The following ADA variants were observed in gnomAD, a reference collection of about 807,000 sequenced individuals.
ADA encodes the protein adenosine deaminase.
A neutral mutation model predicts 49.0 loss-of-function variants in ADA; 45 were observed. The ratio of observed to expected loss-of-function variants is 0.92; its 90% confidence interval spans 0.72 to 1.18. The LOEUF is 1.18. Ranked by LOEUF, ADA falls within the 50% of genes most tolerant of loss-of-function variation. The pLI, the probability that ADA is intolerant of heterozygous loss-of-function variation, is 0.00. For synonymous variants in ADA, 173 were observed against 184.2 expected (o/e 0.94, Z 0.49); for missense variants, 445 against 472.5 (o/e 0.94, Z 0.54).
intron 1 of ADA, among the ~76,000 whole-genome samples, chr20:44,643,717 GCCC>G (rs2065559637): frequency 6.6e-6 from 1 of 152,104 alleles, no homozygotes; most frequent in Non-Finnish European, 1.5e-5. Context: ...GGAATCTCAC[GCCC>G]CTTCCCACTG....
intron 5 of ADA, among the ~76,000 whole-genome samples, chr20:44,624,607 C>T (rs547287408): frequency 3.9e-5 from 6 of 152,242 alleles, no homozygotes; most frequent in Non-Finnish European, 5.9e-5. Context: ...GCACCAAGGA[C>T]GGGGCCTGAG....
At chr20:44,622,712 C>A in intron 8 of ADA, 60 bp from the exon 9 acceptor site, 2 of 1,613,378 alleles carry the variant, frequency 1.2e-6, no homozygotes, top group Non-Finnish European at 8.5e-7. Flanking sequence ...TTCCTCCCCC[C>A]ATGTCTGGGC....
At chr20:44,622,758 G>C in intron 8 of ADA, 71 bp downstream of exon 8, 1 of 1,613,882 alleles carries the variant, frequency 6.2e-7, no homozygotes, top group Non-Finnish European at 8.5e-7. Flanking sequence ...GACCCGCCCT[G>C]CTTTCTGCCT....
chr20:44,630,005 T>A, intron 2 of ADA, among the ~76,000 whole-genome samples: 1 of 128,936 alleles, frequency 7.8e-6, no homozygotes, highest in East Asian at 2.1e-4. Context: ...TTCCCCCCCC[T>A]TTTTTTTTTA....
At chr20:44,626,669 A>G in intron 3 of ADA, 70 bp from the exon 4 acceptor site, 10 of 1,593,442 alleles carry the variant, frequency 6.3e-6, no homozygotes, top group Non-Finnish European at 7.7e-6. Flanking sequence ...AGCAAATGAC[A>G]TCCCCAACCC....
At chr20:44,645,814 A>G (rs1450308335) in intron 1 of ADA, among the ~76,000 whole-genome samples, 4 of 152,166 alleles carry the variant, frequency 2.6e-5, no homozygotes, top group Admixed American at 2.6e-4. Context: ...CTAGCTGGAA[A>G]GTGGGAAATC....
At chr20:44,631,666 T>C (rs533695604) in intron 2 of ADA, among the ~76,000 whole-genome samples, 1 of 152,336 alleles carries the variant, frequency 6.6e-6, no homozygotes, top group East Asian at 1.9e-4. Flanking sequence ...GCGGGGGCTC[T>C]GCCCTCTGGT....
intron 1 of ADA, among the ~76,000 whole-genome samples, chr20:44,651,215 T>A (rs965120932): frequency 6.6e-6 from 1 of 152,196 alleles, no homozygotes; most frequent in South Asian, 2.1e-4. Context: ...TAGGTGCCTA[T>A]CCGGCGTAGA....
intron 9 of ADA, among the ~76,000 whole-genome samples, chr20:44,621,989 G>A (rs563940861): frequency 4.6e-5 from 7 of 152,314 alleles, no homozygotes; most frequent in African/African-American, 7.2e-5. Flanking sequence ...CCTGGCAGAT[G>A]GATAAGTGCT....
intron 3 of ADA, among the ~76,000 whole-genome samples, chr20:44,628,695 C>T (rs546689774): frequency 3.7e-4 from 56 of 152,108 alleles, no homozygotes; most frequent in African/African-American, 1.2e-3. Context: ...CACATCTCCC[C>T]GCCCCCACCC....
Position 44,636,307 on chromosome 20 carries a change from AAGAG to A in ADA, c.34-23_34-20del, listed in dbSNP as rs757628030. On this transcript the variant is annotated intron_variant, in intron 1 of 11. Coordinates refer to ENST00000372874, the MANE Select transcript of ADA (RefSeq NM_000022.4). Reference sequence around the variant, plus strand: ...GTTCCACCTGCAAGGGGGCAGGGGGAAGAGAGAGAGAAAGGGAGAGAGAGAACAA... The same window carrying A: ...GTTCCACCTGCAAGGGGGCAGGGGGAAGAGAGAAAGGGAGAGAGAGAACAA... 2.6e-6 allele frequency: 4 copies of A among 1,567,644 alleles called. No homozygotes were observed. Among genetic ancestry groups the A allele is most frequent in the Admixed American group, 1.8e-5 (1 of 56,744 alleles).
In ADA at chr20:44,624,338, G is replaced by A. The variant is rs761848284; in HGVS notation, c.479-9C>T. On this transcript the variant is annotated splice_polypyrimidine_tract_variant and intron_variant, in intron 5 of 11. Coordinates refer to ENST00000372874, the MANE Select transcript of ADA (RefSeq NM_000022.4). The stretch of plus-strand genomic sequence containing the variant: ...CACCTTGGGGGACCAGTCTGTGGGC[G>A]AGATGCCCACCCAGGCTCTGTCACC... The A allele has an allele frequency of 1.1e-5, 18 of 1,612,826 alleles. No homozygotes were observed. The Admixed American group carries it at 1.3e-4, about 12-fold the overall frequency.
intron 1 of ADA, among the ~76,000 whole-genome samples, chr20:44,644,878 TG>T (rs1259811290): frequency 1.3e-5 from 2 of 152,184 alleles, no homozygotes; most frequent in Non-Finnish European, 1.5e-5. Flanking sequence ...GTCTTCCACC[TG>T]GGGAAATTCC....
At position 44,619,759 on chromosome 20, in the gene ADA, TAAATG is replaced by T. The variant is rs532670191; in HGVS notation, c.*70_*74del. ...GAGATCATGGTCTTCTTGGAAGGAATAAATGTAAAAATGTTGCTCAGCCCCACAGA... is the reference window on the plus strand; with the variant it reads ...GAGATCATGGTCTTCTTGGAAGGAATTAAAAATGTTGCTCAGCCCCACAGA... On this transcript the variant is annotated 3_prime_UTR_variant, in exon 12 of 12. Coordinates refer to ENST00000372874, the MANE Select transcript of ADA (RefSeq NM_000022.4). 1.6e-4 allele frequency: 246 copies of T among 1,578,240 alleles called. No homozygotes were observed. In the African/African-American group the frequency reaches 2.9e-3, roughly 19 times the overall value.
intron 2 of ADA, among the ~76,000 whole-genome samples, chr20:44,633,875 G>T (rs928328695): frequency 6.6e-6 from 1 of 152,204 alleles, no homozygotes; most frequent in Non-Finnish European, 1.5e-5. Flanking sequence ...CACTGAATTG[G>T]GCCTAGCAGG....
At chr20:44,639,190 G>A (rs1162806114) in intron 1 of ADA, among the ~76,000 whole-genome samples, 1 of 152,168 alleles carries the variant, frequency 6.6e-6, no homozygotes, top group Non-Finnish European at 1.5e-5. Context: ...GATGACGGTG[G>A]CTTGGACCAG....
At chr20:44,629,200 C>G (rs1275875260) in intron 2 of ADA, 31 bp from the exon 3 acceptor site, 2 of 1,613,808 alleles carry the variant, frequency 1.2e-6, no homozygotes, top group Non-Finnish European at 1.7e-6. Context: ...GGTGGACCAA[C>G]CCGGGGCAGG....
At position 44,626,559 on chromosome 20, in the gene ADA, C is replaced by CA; in HGVS notation, c.258dup (p.Val87CysfsTer35). 6.2e-7 allele frequency: 1 copy of CA among 1,614,210 alleles called. No individual in the cohort carries two copies. Among genetic ancestry groups the CA allele is most frequent in the South Asian group, 1.1e-5 (1 of 91,080 alleles). ...ACGCCCTCTTTGGCCTTCATCTCTA[C>CA]AAACTCATAGGCGATCCTTTTGATA... On this transcript the variant is annotated frameshift_variant, in exon 4 of 12. Coordinates refer to ENST00000372874, the MANE Select transcript of ADA (RefSeq NM_000022.4). LOFTEE classifies it high-confidence loss of function.
At chr20:44,647,777 C>CGTG (rs1358837570) in intron 1 of ADA, among the ~76,000 whole-genome samples, 1 of 151,906 alleles carries the variant, frequency 6.6e-6, no homozygotes, top group Non-Finnish European at 1.5e-5. Context: ...ATTAGCCGGG[C>CGTG]GTGGTGGTGG....
Sources: gnomAD v4.1 joint callset for allele counts (sites outside exome capture counted in the v4.1 genomes callset) on GRCh38, gnomAD v4.1.1 for gene constraint, MANE v1.5 for transcripts, NCBI Gene and HGNC (gene_info 2026-07-23, HGNC 2026-07-21) for gene names.